Variants in LHFPL3 observed in about 807,000 individuals in gnomAD.
LHFPL3 encodes the protein LHFPL tetraspan subfamily member 3 protein.
A neutral mutation model predicts 19.3 loss-of-function variants in LHFPL3; 5 were observed. That is an observed-to-expected ratio of 0.26 (90% CI 0.14 to 0.54). The LOEUF (loss-of-function observed/expected upper bound fraction) is 0.54, where lower values mean the gene tolerates loss of function less well. Among genes scored for constraint, LHFPL3 ranks in the 20% least tolerant of loss-of-function variants. The probability of loss-of-function intolerance (pLI) is 0.94; values close to 1 mark genes in which losing one functional copy is unlikely to be tolerated. For synonymous variants in LHFPL3, 133 were observed against 126.2 expected (o/e 1.05, Z -0.36); for missense variants, 249 against 307.4 (o/e 0.81, Z 1.42).
At chr7:104,889,406 G>A (rs1015467031) in intron 2 of LHFPL3, among the ~76,000 whole-genome samples, 1 of 152,140 alleles carries the variant, frequency 6.6e-6, no homozygotes, top group Non-Finnish European at 1.5e-5. Flanking sequence ...TTGGGAGGCC[G>A]AGGCAGGTGG....
At chr7:104,886,712 C>T (rs1792154429) in intron 2 of LHFPL3, among the ~76,000 whole-genome samples, 1 of 152,158 alleles carries the variant, frequency 6.6e-6, no homozygotes, top group South Asian at 2.1e-4. Context: ...ATTCTAAGTC[C>T]TCAAAAATTA....
chr7:104,745,530 GAACCAATGCAAT>G (rs142461916), intron 2 of LHFPL3, among the ~76,000 whole-genome samples: 3,632 of 152,262 alleles, frequency 0.024, 79 homozygotes, highest in East Asian at 0.054. Context: ...TATGTACCAA[GAACCAATGCAAT>G]AACAGGAGGA....
intron 1 of LHFPL3, among the ~76,000 whole-genome samples, chr7:104,392,973 G>C (rs994014231): frequency 6.6e-6 from 1 of 152,022 alleles, no homozygotes; most frequent in African/African-American, 2.4e-5. Context: ...ATTTATTTGC[G>C]TAGAAGTAAC....
intron 2 of LHFPL3, among the ~76,000 whole-genome samples, chr7:104,847,814 G>T (rs185774206): frequency 2.7e-4 from 41 of 152,316 alleles, no homozygotes; most frequent in Non-Finnish European, 5.0e-4. Context: ...GACCGGCTAT[G>T]ATGAATCTTT....
chr7:104,594,595 T>C (rs916543317), intron 1 of LHFPL3, among the ~76,000 whole-genome samples: 5 of 152,204 alleles, frequency 3.3e-5, no homozygotes, highest in African/African-American at 1.2e-4. Flanking sequence ...CCTTGCTGTA[T>C]TGGGGAAGTT....
chr7:104,850,162 C>G (rs553725582), intron 2 of LHFPL3, among the ~76,000 whole-genome samples: 1 of 152,046 alleles, frequency 6.6e-6, no homozygotes, highest in Admixed American at 6.5e-5. Context: ...ATTAGCCAGG[C>G]GTGGTGGCAC....
At chr7:104,368,209 C>T (rs962812567) in intron 1 of LHFPL3, among the ~76,000 whole-genome samples, 12 of 152,294 alleles carry the variant, frequency 7.9e-5, no homozygotes, top group Admixed American at 7.2e-4. Context: ...CCTTTATGTT[C>T]CCCACCAGAA....
chr7:104,413,658 C>G (rs996059605), intron 1 of LHFPL3, among the ~76,000 whole-genome samples: 2 of 152,200 alleles, frequency 1.3e-5, no homozygotes, highest in Non-Finnish European at 2.9e-5. Flanking sequence ...CAAGGCAACT[C>G]AGTTCTGCGT....
At chr7:104,529,550 C>T (rs1215059191) in intron 1 of LHFPL3, among the ~76,000 whole-genome samples, 4 of 152,252 alleles carry the variant, frequency 2.6e-5, no homozygotes, top group Admixed American at 6.5e-5. Flanking sequence ...GCGATGAGAA[C>T]GTATGTCAAA....
intron 1 of LHFPL3, among the ~76,000 whole-genome samples, chr7:104,644,346 G>A (rs1791890727): frequency 6.6e-6 from 1 of 152,154 alleles, no homozygotes. Flanking sequence ...CCAATGCTGT[G>A]AGAGTGCTTT....
chr7:104,863,468 CA>C (rs1197877842), intron 2 of LHFPL3, among the ~76,000 whole-genome samples: 25 of 152,316 alleles, frequency 1.6e-4, no homozygotes, highest in African/African-American at 6.0e-4. Flanking sequence ...TGCTGTGTTC[CA>C]GGGGTCTTAT....
At chr7:104,561,621 C>G (rs1584402801) in intron 1 of LHFPL3, among the ~76,000 whole-genome samples, 1 of 152,162 alleles carries the variant, frequency 6.6e-6, no homozygotes, top group African/African-American at 2.4e-5. Flanking sequence ...ACTGATGGGT[C>G]TTGACTTGTT....
At chr7:104,485,304 C>G (rs1793217737) in intron 1 of LHFPL3, among the ~76,000 whole-genome samples, 2 of 151,656 alleles carry the variant, frequency 1.3e-5, no homozygotes, top group Admixed American at 6.6e-5. Context: ...ATCAGAGATT[C>G]TCATATGTTT....
In LHFPL3 at chr7:104,668,316, C is replaced by T. The variant is rs751045130; in HGVS notation, c.446-68359C>T. 5.6e-6 allele frequency: 9 copies of T among 1,602,190 alleles called. No individual in the cohort carries two copies. The African/African-American group carries it at 9.4e-5, about 17-fold the overall frequency. On this transcript the variant is annotated intron_variant, in intron 1 of 2. Coordinates refer to ENST00000424859, the MANE Select transcript of LHFPL3 (RefSeq NM_199000.3). ...TCCTCCTTTTGGCCGTGATAGAAATCGGGATTCTGACAAAACAGATACAGA... is the reference window on the plus strand; with the variant it reads ...TCCTCCTTTTGGCCGTGATAGAAATTGGGATTCTGACAAAACAGATACAGA...
chr7:104,358,703 G>A (rs1035471448), intron 1 of LHFPL3, among the ~76,000 whole-genome samples: 1 of 152,226 alleles, frequency 6.6e-6, no homozygotes, highest in African/African-American at 2.4e-5. Context: ...TGATTGGGAA[G>A]ATGATCATAA....
At chr7:104,464,673 A>C (rs1584338059) in intron 1 of LHFPL3, among the ~76,000 whole-genome samples, 1 of 152,170 alleles carries the variant, frequency 6.6e-6, no homozygotes, top group Non-Finnish European at 1.5e-5. Flanking sequence ...TGAGCTATAC[A>C]TTGGCCCCTC....
chr7:104,405,990 G>A (rs370519326), intron 1 of LHFPL3, among the ~76,000 whole-genome samples: 39 of 152,306 alleles, frequency 2.6e-4, no homozygotes, highest in African/African-American at 8.9e-4. Context: ...GTGATAGCTA[G>A]AAATCAAATG....
intron 1 of LHFPL3, among the ~76,000 whole-genome samples, chr7:104,585,174 C>A (rs1790541691): frequency 6.6e-6 from 1 of 151,864 alleles, no homozygotes; most frequent in South Asian, 2.1e-4. Flanking sequence ...CCCTCTAGCC[C>A]GACGCTGCAT....
chr7:104,430,406 A>ATATATATATGTATATATATATATATATG (rs1791955560), intron 1 of LHFPL3, among the ~76,000 whole-genome samples: 1 of 31,408 alleles, frequency 3.2e-5, no homozygotes, highest in African/African-American at 2.1e-4. Flanking sequence ...ATATATATAC[A>ATATATATATGTATATATATATATATATG]TATATATATA....
Sources: gnomAD v4.1 joint callset for allele counts (sites outside exome capture counted in the v4.1 genomes callset) on GRCh38, gnomAD v4.1.1 for gene constraint, MANE v1.5 for transcripts, NCBI Gene and HGNC (gene_info 2026-07-23, HGNC 2026-07-21) for gene names.